The following NEGR1 variants were observed in gnomAD, a reference collection of about 807,000 sequenced individuals.
The protein encoded by NEGR1 is neuronal growth regulator 1.
NEGR1 carries 10 observed loss-of-function variants against 40.9 expected under a neutral mutation model. The observed-to-expected ratio is 0.24, with a 90% CI of 0.15 to 0.42. The LOEUF (loss-of-function observed/expected upper bound fraction) is 0.42. NEGR1 is among the 10% of genes least tolerant of loss of function. The probability of loss-of-function intolerance (pLI) is 1.00; values close to 1 mark genes in which losing one functional copy is unlikely to be tolerated. For missense variants in NEGR1, 352 were observed against 438.9 expected, an observed-to-expected ratio of 0.80 and a Z score of 1.77; for synonymous variants, 185 against 166.8, an observed-to-expected ratio of 1.11 and a Z score of -0.84.
intron 1 of NEGR1, among the ~76,000 whole-genome samples, chr1:72,175,109 C>G (rs949470900): frequency 4.0e-5 from 6 of 151,766 alleles, no homozygotes; most frequent in African/African-American, 1.5e-4. Context: ...TAATGCTATC[C>G]CTCCCCCCTT....
intron 4 of NEGR1, among the ~76,000 whole-genome samples, chr1:71,620,162 G>C (rs951533810): frequency 6.6e-6 from 1 of 151,962 alleles, no homozygotes; most frequent in Non-Finnish European, 1.5e-5. Context: ...AGGGTGCCCA[G>C]AGAAGAAGAG....
intron 6 of NEGR1, among the ~76,000 whole-genome samples, chr1:71,500,385 C>T (rs1646991355): frequency 1.3e-5 from 2 of 151,900 alleles, no homozygotes; most frequent in Admixed American, 6.6e-5. Flanking sequence ...TCCACCAGGA[C>T]TCTAGTTTTT....
chr1:72,150,265 G>C (rs1257437482), intron 1 of NEGR1, among the ~76,000 whole-genome samples: 1 of 152,088 alleles, frequency 6.6e-6, no homozygotes, highest in Non-Finnish European at 1.5e-5. Flanking sequence ...ATTTGTAACT[G>C]TCACATATTG....
At chr1:71,881,141 C>T (rs1013526301) in intron 2 of NEGR1, among the ~76,000 whole-genome samples, 3 of 151,994 alleles carry the variant, frequency 2.0e-5, no homozygotes, top group South Asian at 2.1e-4. Flanking sequence ...CAGTATGTTT[C>T]GAGCTTAAAG....
intron 2 of NEGR1, among the ~76,000 whole-genome samples, chr1:71,846,083 T>A (rs990518757): frequency 6.6e-6 from 1 of 152,014 alleles, no homozygotes. Flanking sequence ...ATTTAAATCA[T>A]GTGGTCTGAC....
chr1:72,061,462 A>G (rs968241668), intron 1 of NEGR1, among the ~76,000 whole-genome samples: 6 of 151,786 alleles, frequency 4.0e-5, no homozygotes, highest in African/African-American at 1.5e-4. Context: ...ATTTTCTGAT[A>G]CATAGTATCA....
intron 1 of NEGR1, among the ~76,000 whole-genome samples, chr1:72,145,080 A>G (rs1170867321): frequency 6.6e-6 from 1 of 152,082 alleles, no homozygotes; most frequent in Non-Finnish European, 1.5e-5. Context: ...TATTTCCTTA[A>G]TAATAATGAA....
intron 1 of NEGR1, among the ~76,000 whole-genome samples, chr1:71,958,020 G>A (rs1469406920): frequency 1.3e-5 from 2 of 152,086 alleles, no homozygotes; most frequent in Non-Finnish European, 2.9e-5. Context: ...ATCCTTTAAT[G>A]TCCATTATAA....
chr1:71,527,438 TC>T (rs1161716791), intron 6 of NEGR1, among the ~76,000 whole-genome samples: 14 of 151,072 alleles, frequency 9.3e-5, no homozygotes, highest in African/African-American at 3.4e-4. Context: ...CATCCATCCA[TC>T]CATCCATCCA....
chr1:71,460,415 C>G (rs933924256), intron 6 of NEGR1, among the ~76,000 whole-genome samples: 2 of 152,184 alleles, frequency 1.3e-5, no homozygotes, highest in Admixed American at 6.5e-5. Flanking sequence ...GCAAGTGACT[C>G]CCATCTTACA....
At chr1:71,954,759 T>C (rs1274017068) in intron 1 of NEGR1, among the ~76,000 whole-genome samples, 1 of 152,040 alleles carries the variant, frequency 6.6e-6, no homozygotes, top group Non-Finnish European at 1.5e-5. Flanking sequence ...CAAATCCATA[T>C]AAGCACATTG....
intron 6 of NEGR1, among the ~76,000 whole-genome samples, chr1:71,507,798 G>A (rs1268161445): frequency 6.6e-5 from 10 of 152,122 alleles, no homozygotes; most frequent in African/African-American, 2.4e-4. Context: ...AAATTAGATG[G>A]AATTATCACA....
intron 6 of NEGR1, among the ~76,000 whole-genome samples, chr1:71,478,349 G>A (rs1036501614): frequency 1.3e-5 from 2 of 152,036 alleles, no homozygotes; most frequent in South Asian, 2.1e-4. Flanking sequence ...GCACAGACCC[G>A]CTTTTCCAGC....
chr1:71,801,584 T>C (rs745880071), intron 2 of NEGR1, among the ~76,000 whole-genome samples: 3 of 152,188 alleles, frequency 2.0e-5, no homozygotes, highest in Non-Finnish European at 4.4e-5. Context: ...CAAACCAAAA[T>C]CCTTGAAATC....
intron 6 of NEGR1, among the ~76,000 whole-genome samples, chr1:71,479,825 G>A (rs2101370320): frequency 6.6e-6 from 1 of 151,894 alleles, no homozygotes; most frequent in Admixed American, 6.6e-5. Flanking sequence ...TATTGTTATC[G>A]ATTTTGTTAT....
intron 6 of NEGR1, among the ~76,000 whole-genome samples, chr1:71,564,742 T>C (rs1189094544): frequency 6.6e-6 from 1 of 152,234 alleles, no homozygotes; most frequent in East Asian, 1.9e-4. Flanking sequence ...AGTATATGGA[T>C]ATGATAGACT....
intron 4 of NEGR1, among the ~76,000 whole-genome samples, chr1:71,648,362 A>C (rs1052776600): frequency 3.3e-5 from 5 of 152,030 alleles, no homozygotes; most frequent in African/African-American, 9.7e-5. Flanking sequence ...ACACAGATGA[A>C]GTCCAGTAAT....
intron 1 of NEGR1, among the ~76,000 whole-genome samples, chr1:72,086,111 C>T (rs758886413): frequency 2.6e-5 from 4 of 151,912 alleles, no homozygotes; most frequent in Admixed American, 6.6e-5. Context: ...AAATCACCTA[C>T]AAAAATAGTG....
Position 71,926,378 on chromosome 1 carries a change from C to A in NEGR1, c.409+8701G>T, listed in dbSNP as rs143271755. 6.3e-3 allele frequency among the ~76,000 whole-genome samples: 943 copies of A among 150,810 alleles called. 2 individuals are homozygous for A. The highest frequency in any genetic ancestry group is 0.014 in the Middle Eastern group (4 of 290). On this transcript the variant is annotated intron_variant, in intron 2 of 6. Transcript: ENST00000357731. Reference sequence around the variant, plus strand: ...AAAAGGATAAAGTAGGGCAACATTTCTCCTCATCAACACTGACCACAAGCT... The same window carrying A: ...AAAAGGATAAAGTAGGGCAACATTTATCCTCATCAACACTGACCACAAGCT...
Sources: gnomAD v4.1 joint callset for allele counts (sites outside exome capture counted in the v4.1 genomes callset) on GRCh38, gnomAD v4.1.1 for gene constraint, MANE v1.5 for transcripts, NCBI Gene and HGNC (gene_info 2026-07-23, HGNC 2026-07-21) for gene names.